JAM2: variants seen among roughly 807,000 people sequenced by gnomAD.
JAM2 encodes the protein junctional adhesion molecule 2.
A neutral mutation model predicts 42.0 loss-of-function variants in JAM2; 17 were observed. The ratio of observed to expected loss-of-function variants is 0.40; its 90% CI spans 0.28 to 0.61. JAM2 has a LOEUF of 0.61. Among genes scored for constraint, JAM2 ranks in the 20% least tolerant of loss-of-function variants. The pLI is 0.37. For synonymous variants in JAM2, 118 were observed against 128.6 expected, an observed-to-expected ratio of 0.92 and a Z score of 0.56; for missense variants, 319 against 358.3, an observed-to-expected ratio of 0.89 and a Z score of 0.89.
At position 25,715,426 on chromosome 21, in the gene JAM2, T is replaced by C. The variant is rs1738756393; in HGVS notation, c.*754T>C. On this transcript the variant is annotated 3_prime_UTR_variant, in exon 10 of 10. Transcript: ENST00000480456. ...ACTGCTTCCTTCTTGTAAGATTTCT[T>C]TGAAGAGGATCAGTGACTTTGACAT... 6.6e-6 allele frequency: 1 copy of C among 152,206 alleles called. No homozygotes were observed. The highest frequency in any genetic ancestry group is 1.5e-5 in the Non-Finnish European group (1 of 68,046). The allele number at this position is 152,206 out of a possible 1,614,324, so 9.4% of individuals were successfully genotyped here. A position where few individuals can be genotyped will look rare whatever the true frequency, so the allele number is the denominator to read the frequency against.
chr21:25,710,550 A>G (rs1377830017), intron 8 of JAM2, among the ~76,000 whole-genome samples: 4 of 152,236 alleles, frequency 2.6e-5, no homozygotes. Flanking sequence ...GTGAGGAAGC[A>G]AGTTGTGCAA....
intron 6 of JAM2, among the ~76,000 whole-genome samples, chr21:25,704,195 G>T (rs1196911259): frequency 6.6e-6 from 1 of 151,976 alleles, no homozygotes; most frequent in African/African-American, 2.4e-5. Flanking sequence ...CTTTGCCTAA[G>T]ATTATGATTA....
chr21:25,699,313 G>T (rs1042670381), intron 5 of JAM2, among the ~76,000 whole-genome samples: 4 of 152,178 alleles, frequency 2.6e-5, no homozygotes, highest in Non-Finnish European at 5.9e-5. Flanking sequence ...GAACTCACTT[G>T]TGACTTAGGA....
chr21:25,699,016 T>A, intron 5 of JAM2, 137 bp downstream of exon 5: 1 of 713,664 alleles, frequency 1.4e-6, no homozygotes, highest in Non-Finnish European at 2.3e-6. Flanking sequence ...CCAGGAAAGA[T>A]GGCAGCACTT....
Position 25,714,880 on chromosome 21 carries a change from T to C in JAM2, c.*208T>C. On this transcript the variant is annotated 3_prime_UTR_variant, in exon 10 of 10. Coordinates refer to ENST00000480456, the MANE Select transcript of JAM2 (RefSeq NM_021219.4). ...ACACCTAAAATATAATCTGGCTTCT[T>C]GTGTCTGGACTAAGTTAAAAGAATT... 1 of 433,986 alleles carries C rather than the reference T, an allele frequency of 2.3e-6. No homozygotes were observed. The highest frequency in any genetic ancestry group is 4.1e-6 in the Non-Finnish European group (1 of 242,590). The allele number at this position is 433,986 out of a possible 1,614,324, so 26.9% of individuals were successfully genotyped here. A position where few individuals can be genotyped will look rare whatever the true frequency, so the allele number is the denominator to read the frequency against.
intron 1 of JAM2, among the ~76,000 whole-genome samples, chr21:25,640,278 G>A (rs549844859): frequency 6.6e-6 from 1 of 152,200 alleles, no homozygotes; most frequent in East Asian, 1.9e-4. Context: ...ACTGGGAGGC[G>A]GGCGCCGGCC....
At chr21:25,671,353 G>A (rs2033356875) in intron 1 of JAM2, among the ~76,000 whole-genome samples, 1 of 152,086 alleles carries the variant, frequency 6.6e-6, no homozygotes, top group Admixed American at 6.6e-5. Flanking sequence ...GCATTGCTAA[G>A]CCTTCCCCAC....
chr21:25,667,606 G>C (rs2033256111), intron 1 of JAM2, among the ~76,000 whole-genome samples: 1 of 152,304 alleles, frequency 6.6e-6, no homozygotes, highest in South Asian at 2.1e-4. Flanking sequence ...TGTATATAGG[G>C]TTTGGTACTA....
chr21:25,669,719 A>G (rs919489370), intron 1 of JAM2, among the ~76,000 whole-genome samples: 2 of 152,232 alleles, frequency 1.3e-5, no homozygotes, highest in Non-Finnish European at 2.9e-5. Flanking sequence ...AATTCACAGC[A>G]CTGGGTTTCA....
At chr21:25,657,372 A>G (rs1042622920) in intron 1 of JAM2, among the ~76,000 whole-genome samples, 1 of 152,212 alleles carries the variant, frequency 6.6e-6, no homozygotes, top group African/African-American at 2.4e-5. Context: ...AAGGTGACTC[A>G]TGGCAGGTTC....
At chr21:25,710,738 C>T (rs1432267744) in intron 8 of JAM2, among the ~76,000 whole-genome samples, 1 of 152,172 alleles carries the variant, frequency 6.6e-6, no homozygotes, top group East Asian at 1.9e-4. Context: ...TAAGGAGTCC[C>T]TTTTAGGCAG....
At chr21:25,644,863 T>TG (rs2032557798) in intron 1 of JAM2, among the ~76,000 whole-genome samples, 2 of 75,164 alleles carry the variant, frequency 2.7e-5, no homozygotes, top group Non-Finnish European at 6.1e-5. Context: ...GTTGGTTTTT[T>TG]GGTTTTGTTT....
At chr21:25,697,907 C>CAA (rs746185836) in intron 4 of JAM2, among the ~76,000 whole-genome samples, 1 of 141,328 alleles carries the variant, frequency 7.1e-6, no homozygotes, top group African/African-American at 2.6e-5. Flanking sequence ...GATTCTGTCT[C>CAA]AAAAAAAAAA....
At chr21:25,657,523 T>A (rs1359141066) in intron 1 of JAM2, among the ~76,000 whole-genome samples, 1 of 152,164 alleles carries the variant, frequency 6.6e-6, no homozygotes, top group Non-Finnish European at 1.5e-5. Flanking sequence ...CTCTACTAGA[T>A]GTTCAAAGGA....
rs57407708 is a variant in JAM2 at position 25,676,310 on chromosome 21, GA to G, written c.68-7561del. On this transcript the variant is annotated intron_variant, in intron 1 of 9. Coordinates refer to ENST00000480456, the MANE Select transcript of JAM2 (RefSeq NM_021219.4). ...TCAAAAAAAAAAAAAAAAAGAAAAA[GA>G]AAAAAAAAAAACAACTTATGTAACA... 4.8e-3 allele frequency among the ~76,000 whole-genome samples: 580 copies of G among 121,108 alleles called. 4 individuals carry two copies. The highest frequency in any genetic ancestry group is 0.016 in the African/African-American group (508 of 32,114). The allele number at this position is 121,108 out of a possible 152,430, so 79.5% of individuals were successfully genotyped here. A position where few individuals can be genotyped will look rare whatever the true frequency, so the allele number is the denominator to read the frequency against.
chr21:25,680,800 C>G lies in JAM2; in HGVS notation c.68-3083C>G, dbSNP rs111933949. Among the ~76,000 whole-genome samples, 954 of 150,052 alleles carry G rather than the reference C, an allele frequency of 6.4e-3. 11 individuals carry two copies. The highest frequency in any genetic ancestry group is 0.02 in the African/African-American group (808 of 40,588). The stretch of plus-strand genomic sequence containing the variant: ...GATGGATGGATGGATGGATGACGAT[C>G]GATGGATGGATGGATGGATGGGCAG... On this transcript the variant is annotated intron_variant, in intron 1 of 9. Coordinates refer to ENST00000480456, the MANE Select transcript of JAM2 (RefSeq NM_021219.4).
intron 3 of JAM2, among the ~76,000 whole-genome samples, chr21:25,690,502 T>C (rs183292819): frequency 7.9e-5 from 12 of 152,088 alleles, no homozygotes; most frequent in African/African-American, 2.9e-4. Flanking sequence ...TAATTTAATT[T>C]TATTTATTTA....
rs562048531 is a variant in JAM2, at chr21:25,644,483, C to T, written c.67+4595C>T. 2.3e-4 allele frequency among the ~76,000 whole-genome samples: 35 copies of T among 152,258 alleles called. 1 individual carries two copies. In the South Asian group the frequency reaches 5.8e-3, roughly 25 times the overall value. ...CCACCTGTCCCCACTCACGGCCCTGCGACACCAGGCTGCCACCTCTCTTGT... is the reference window on the plus strand; with the variant it reads ...CCACCTGTCCCCACTCACGGCCCTGTGACACCAGGCTGCCACCTCTCTTGT... On this transcript the variant is annotated intron_variant, in intron 1 of 9. Transcript: ENST00000480456.
intron 1 of JAM2, among the ~76,000 whole-genome samples, chr21:25,661,458 AT>A (rs1016147845): frequency 6.6e-6 from 1 of 152,184 alleles, no homozygotes; most frequent in Non-Finnish European, 1.5e-5. Flanking sequence ...GCAAGACATT[AT>A]CTCTAAAAAA....
Sources: allele counts gnomAD v4.1 joint callset (sites outside exome capture counted in the v4.1 genomes callset), GRCh38; gene constraint gnomAD v4.1.1; transcripts MANE v1.5; gene names NCBI Gene and HGNC (gene_info 2026-07-23, HGNC 2026-07-21).